UGT1A8: variants seen among roughly 807,000 people sequenced by gnomAD.
The protein encoded by UGT1A8 is UDP-glucuronosyltransferase 1A8.
A neutral mutation model predicts 45.3 loss-of-function variants in UGT1A8; 39 were observed. The ratio of observed to expected loss-of-function variants is 0.86; its 90% CI spans 0.67 to 1.12. UGT1A8 has a LOEUF of 1.12. UGT1A8 is among the 50% of genes most tolerant of loss of function. The probability of loss-of-function intolerance (pLI) is 0.00; values close to 1 mark genes in which losing one functional copy is unlikely to be tolerated. For missense variants in UGT1A8, 719 were observed against 664.9 expected (o/e 1.08, Z -0.90); for synonymous variants, 275 against 249.2 (o/e 1.10, Z -0.97).
intron 1 of UGT1A8, among the ~76,000 whole-genome samples, chr2:233,627,226 G>T (rs980843674): frequency 6.6e-6 from 1 of 151,950 alleles, no homozygotes; most frequent in Non-Finnish European, 1.5e-5. Flanking sequence ...TTAAAACCCT[G>T]TTCAGGCAGA....
chr2:233,658,497 G>A (rs192224582), intron 1 of UGT1A8, among the ~76,000 whole-genome samples: 2 of 151,914 alleles, frequency 1.3e-5, no homozygotes, highest in African/African-American at 2.4e-5. Context: ...AGCCCATCAC[G>A]CCCCCTTCAT....
intron 1 of UGT1A8, among the ~76,000 whole-genome samples, chr2:233,623,182 T>C (rs957741772): frequency 9.9e-5 from 15 of 152,206 alleles, no homozygotes; most frequent in African/African-American, 3.6e-4. Context: ...TTTGTTCTTT[T>C]TGCTTAGGAT....
intron 1 of UGT1A8, among the ~76,000 whole-genome samples, chr2:233,703,168 T>C (rs1403871395): frequency 6.6e-6 from 1 of 152,208 alleles, no homozygotes; most frequent in East Asian, 1.9e-4. Flanking sequence ...CTTGATTCAA[T>C]TTCAGTAGTT....
At chr2:233,621,384 C>G (rs1019011959) in intron 1 of UGT1A8, among the ~76,000 whole-genome samples, 1 of 152,098 alleles carries the variant, frequency 6.6e-6, no homozygotes, top group Non-Finnish European at 1.5e-5. Flanking sequence ...ATTCGGGCTT[C>G]GTCTATACCA....
chr2:233,740,208 A>G (rs1691334030), intron 1 of UGT1A8, among the ~76,000 whole-genome samples: 1 of 151,862 alleles, frequency 6.6e-6, no homozygotes, highest in Admixed American at 6.5e-5. Flanking sequence ...TAAATTACCC[A>G]GTCTCAGCTG....
rs990396664 is a variant in UGT1A8, at chr2:233,661,698, TATCTGGA to T, written c.855+43137_855+43143del. On this transcript the variant is annotated intron_variant, in intron 1 of 4. Transcript: ENST00000373450. ...TTCTTTCTTTTTAAACAAAGGTCCT[TATCTGGA>T]TTCTTTTTTTTTTTTTTAATGATCG... Among the ~76,000 whole-genome samples, 3 of 143,460 alleles carry T rather than the reference TATCTGGA, an allele frequency of 2.1e-5. No individual in the cohort carries two copies. The Admixed American group carries it at 2.1e-4, about 10-fold the overall frequency. 94.1% of individuals were successfully genotyped at this position (143,460 alleles called of 152,430 possible).
At chr2:233,625,287 C>T (rs1002567225) in intron 1 of UGT1A8, among the ~76,000 whole-genome samples, 2 of 151,980 alleles carry the variant, frequency 1.3e-5, no homozygotes, top group African/African-American at 2.4e-5. Context: ...AGTCAAGAAA[C>T]AATAGATGCT....
In UGT1A8 at chr2:233,760,233, CAT is replaced by C. The variant is rs3064744; in HGVS notation, c.856-6787_856-6786del. ...ACTTGGTGTATCGATTGGTTTTTGCCATATATATATATATAAGTAGGAGAGGG... is the reference window on the plus strand; with the variant it reads ...ACTTGGTGTATCGATTGGTTTTTGCCATATATATATATAAGTAGGAGAGGG... On this transcript the variant is annotated intron_variant, in intron 1 of 4. Coordinates refer to ENST00000373450, the MANE Select transcript of UGT1A8 (RefSeq NM_019076.5). 6.6e-3 allele frequency: 9,509 copies of C among 1,449,924 alleles called. 210 individuals carry two copies. The African/African-American group carries it at 0.077, about 12-fold the overall frequency. The allele number at this position is 1,449,924 out of a possible 1,614,324, so 89.8% of individuals were successfully genotyped here.
intron 1 of UGT1A8, among the ~76,000 whole-genome samples, chr2:233,627,624 T>TTCCTTCCTTCCTTC (rs2073108145): frequency 8.9e-6 from 1 of 111,934 alleles, no homozygotes; most frequent in African/African-American, 3.3e-5. Context: ...TTCCTTCCTT[T>TTCCTTCCTTCCTTC]CTTCCTTCCT....
chr2:233,630,851 T>A (rs2073174287), intron 1 of UGT1A8, among the ~76,000 whole-genome samples: 1 of 151,624 alleles, frequency 6.6e-6, no homozygotes, highest in African/African-American at 2.4e-5. Context: ...TTTTTTTTTT[T>A]ATACTTTAAG....
intron 1 of UGT1A8, among the ~76,000 whole-genome samples, chr2:233,642,895 T>A (rs2073491347): frequency 6.6e-6 from 1 of 152,114 alleles, no homozygotes; most frequent in Non-Finnish European, 1.5e-5. Flanking sequence ...TCACTCTCTC[T>A]CTCTCTCTCT....
chr2:233,654,225 C>T (rs926130057), intron 1 of UGT1A8, among the ~76,000 whole-genome samples: 4 of 152,098 alleles, frequency 2.6e-5, no homozygotes, highest in African/African-American at 9.7e-5. Context: ...TCCAAATTAA[C>T]CTATTCTGTG....
chr2:233,769,545 C>T lies in UGT1A8; in HGVS notation c.1295+1106C>T. ...ACCTCCTTTAGAAAGAAGCAGCAGT[C>T]AGGAAGACAGATGTGAAGAGCTGGA... is the stretch of plus-strand genomic sequence containing the variant. On this transcript the variant is annotated intron_variant, in intron 4 of 4. Transcript: ENST00000373450. This position sits in a 1 kb window ranked among gnomAD's most constrained non-coding sequence, Gnocchi z 4.4. 6.2e-7 allele frequency: 1 copy of T among 1,612,746 alleles called. No homozygotes were observed. Among genetic ancestry groups the T allele is most frequent in the Non-Finnish European group, 8.5e-7 (1 of 1,179,828 alleles).
chr2:233,695,902 G>T (rs184289698), intron 1 of UGT1A8, among the ~76,000 whole-genome samples: 229 of 151,998 alleles, frequency 1.5e-3, no homozygotes, highest in African/African-American at 4.9e-3. Context: ...AATGTGTGGG[G>T]TTTTTTTTCT....
At chr2:233,653,699 C>T (rs534984833) in intron 1 of UGT1A8, among the ~76,000 whole-genome samples, 4 of 152,278 alleles carry the variant, frequency 2.6e-5, no homozygotes, top group South Asian at 2.1e-4. Context: ...CGAGTTCAAG[C>T]GATTCTCCTG....
intron 1 of UGT1A8, among the ~76,000 whole-genome samples, chr2:233,745,802 C>T (rs1262659143): frequency 2.0e-5 from 3 of 151,022 alleles, no homozygotes; most frequent in Non-Finnish European, 2.9e-5. Context: ...GGGTCTATCC[C>T]AGAGTTTTGA....
intron 1 of UGT1A8, chr2:233,636,905 T>G (rs754881305): frequency 2.9e-5 from 47 of 1,614,038 alleles, no homozygotes; most frequent in Non-Finnish European, 3.9e-5. Flanking sequence ...AGGAGTTTGT[T>G]TAATGACCGA....
At chr2:233,689,578 A>G (rs1275772555) in intron 1 of UGT1A8, among the ~76,000 whole-genome samples, 1 of 152,200 alleles carries the variant, frequency 6.6e-6, no homozygotes, top group African/African-American at 2.4e-5. Flanking sequence ...CTGATTTGCA[A>G]TTAGCTAAGG....
intron 1 of UGT1A8, among the ~76,000 whole-genome samples, chr2:233,636,269 C>T (rs1192739976): frequency 7.1e-6 from 1 of 140,768 alleles, no homozygotes. Flanking sequence ...TCACTTGCAG[C>T]GTGCTCTCCC....
Sources: gnomAD v4.1 joint callset for allele counts (sites outside exome capture counted in the v4.1 genomes callset) on GRCh38, gnomAD v4.1.1 for gene constraint, Gnocchi (gnomAD v3.1) non-coding constraint, MANE v1.5 for transcripts, NCBI Gene and HGNC (gene_info 2026-07-23, HGNC 2026-07-21) for gene names.